The following CORO1C variants were observed in gnomAD, a reference collection of about 807,000 sequenced individuals.
CORO1C encodes the protein coronin 1C.
A neutral mutation model predicts 51.2 loss-of-function variants in CORO1C; 14 were observed. The observed-to-expected ratio is 0.27, with a 90% CI of 0.18 to 0.43. The LOEUF is 0.43. CORO1C is among the 20% of genes least tolerant of loss of function. The pLI is 1.00. For synonymous variants in CORO1C, 181 were observed against 210.5 expected (o/e 0.86, Z 1.21); for missense variants, 417 against 607.8 (o/e 0.69, Z 3.30).
chr12:108,661,526 A>T (rs186892316), intron 4 of CORO1C, among the ~76,000 whole-genome samples: 2 of 152,336 alleles, frequency 1.3e-5, no homozygotes, highest in East Asian at 3.9e-4. Context: ...GGTGGGATTA[A>T]AAGTGATTTT....
Position 108,647,393 on chromosome 12 carries a change from G to A in CORO1C, c.*10C>T. On this transcript the variant is annotated 3_prime_UTR_variant, in exon 11 of 11. Coordinates refer to ENST00000261401, the MANE Select transcript of CORO1C (RefSeq NM_014325.4). ...CTCCCATTTTTTCTGTAGGGGTGGG[G>A]GTGGGACCTTCAGGCTGCTATCTTT... 6.2e-7 allele frequency: 1 copy of A among 1,612,546 alleles called. No homozygotes were observed. The highest frequency in any genetic ancestry group is 2.2e-5 in the East Asian group (1 of 44,816).
intron 1 of CORO1C, chr12:108,703,103 G>A (rs546835324): frequency 6.2e-5 from 38 of 616,766 alleles, no homozygotes; most frequent in Admixed American, 2.9e-4. Flanking sequence ...AAAAGCCAAC[G>A]TACAGCCAGC....
Position 108,657,334 on chromosome 12 carries a change from C to T in CORO1C, c.720G>A (p.Met240Ile), listed in dbSNP as rs2136806327. 6.2e-7 allele frequency: 1 copy of T among 1,614,000 alleles called. No homozygotes were observed. Among genetic ancestry groups the T allele is most frequent in the South Asian group, 1.1e-5 (1 of 91,070 alleles). Residue 240 changes from methionine to isoleucine, a missense_variant, in exon 6 of 11, where the codon ATG becomes ATA. By Grantham distance (10) the Met-to-Ile change is conservative. Transcript: ENST00000261401. ...TCCAGAGAGCCAGCTGCCGCTCGCT[C>T]ATGCGGCTGAACCCAGTGGTGAAGA... The part of the protein sequence containing the change: ...GNVFTTGFSR[M>I]SERQLALWNP...
At chr12:108,706,090 G>A (rs891116447) in intron 1 of CORO1C, among the ~76,000 whole-genome samples, 1 of 151,774 alleles carries the variant, frequency 6.6e-6, no homozygotes, top group Non-Finnish European at 1.5e-5. Context: ...GGGAGGCAGA[G>A]GCAGGAGAAT....
chr12:108,693,676 T>G (rs1274070218), intron 2 of CORO1C, among the ~76,000 whole-genome samples: 2 of 152,242 alleles, frequency 1.3e-5, no homozygotes, highest in Admixed American at 1.3e-4. Flanking sequence ...ATTCTATTTC[T>G]GCAATACTAC....
chr12:108,648,877 G>A (rs770662877), intron 9 of CORO1C, 27 bp from the exon 10 acceptor site: 2 of 1,613,702 alleles, frequency 1.2e-6, no homozygotes, highest in Admixed American at 1.7e-5. Flanking sequence ...GCACCCGTGG[G>A]TAAGGAAGAA....
At chr12:108,666,044 A>C (rs1403129196) in intron 3 of CORO1C, among the ~76,000 whole-genome samples, 1 of 152,238 alleles carries the variant, frequency 6.6e-6, no homozygotes. Context: ...CTACTACGAA[A>C]TTAGCTTCCT....
intron 2 of CORO1C, among the ~76,000 whole-genome samples, chr12:108,682,592 A>G (rs1460457197): frequency 1.3e-5 from 2 of 152,232 alleles, no homozygotes; most frequent in Non-Finnish European, 2.9e-5. Context: ...TAATCGTAAG[A>G]GATGTCAACA....
At chr12:108,688,565 A>G (rs1232267315) in intron 2 of CORO1C, among the ~76,000 whole-genome samples, 1 of 152,222 alleles carries the variant, frequency 6.6e-6, no homozygotes, top group Non-Finnish European at 1.5e-5. Flanking sequence ...ATTATTTCTG[A>G]CCCACATATT....
At chr12:108,672,299 T>C (rs2033749662) in intron 3 of CORO1C, among the ~76,000 whole-genome samples, 1 of 152,230 alleles carries the variant, frequency 6.6e-6, no homozygotes, top group Non-Finnish European at 1.5e-5. Flanking sequence ...GTAACAGCTA[T>C]GTGGTCTTGA....
chr12:108,729,894 C>A (rs1031424569), intron 1 of CORO1C, among the ~76,000 whole-genome samples: 1 of 152,112 alleles, frequency 6.6e-6, no homozygotes, highest in Non-Finnish European at 1.5e-5. Context: ...CCAGCAGGCC[C>A]TGGTGTCAGG....
At chr12:108,695,798 G>GCT (rs1419016570) in intron 2 of CORO1C, among the ~76,000 whole-genome samples, 2 of 142,174 alleles carry the variant, frequency 1.4e-5, no homozygotes, top group African/African-American at 5.4e-5. Flanking sequence ...TAGGCAATGA[G>GCT]CTCTTAATCC....
intron 3 of CORO1C, among the ~76,000 whole-genome samples, chr12:108,663,695 G>A (rs1187188505): frequency 1.3e-5 from 2 of 152,218 alleles, no homozygotes; most frequent in Non-Finnish European, 2.9e-5. Context: ...AGGGAGGCAG[G>A]TGGAGGGGTG....
chr12:108,676,373 T>C (rs760780302), intron 3 of CORO1C, among the ~76,000 whole-genome samples: 1 of 152,236 alleles, frequency 6.6e-6, no homozygotes, highest in Non-Finnish European at 1.5e-5. Flanking sequence ...TAATACACAC[T>C]ATTTTTTTTA....
intron 2 of CORO1C, among the ~76,000 whole-genome samples, chr12:108,692,697 T>C (rs1344860914): frequency 6.6e-6 from 1 of 152,006 alleles, no homozygotes; most frequent in Non-Finnish European, 1.5e-5. Context: ...TTCTCTGAGC[T>C]GACAGAATGA....
At chr12:108,654,609 AAT>A (rs1304733577) in intron 6 of CORO1C, among the ~76,000 whole-genome samples, 199 bp from the exon 7 acceptor site, 34 of 152,164 alleles carry the variant, frequency 2.2e-4, no homozygotes, top group Non-Finnish European at 4.1e-4. Flanking sequence ...CAACTCACAA[AAT>A]TTCACTGATT....
rs138446179 is a variant in CORO1C at position 108,716,401 on chromosome 12, A to G, written c.-6+15028T>C. Among the ~76,000 whole-genome samples the G allele has an allele frequency of 2.9e-3, 437 of 152,298 alleles. 1 individual carries two copies. The highest frequency in any genetic ancestry group is 5.4e-3 in the Non-Finnish European group (367 of 68,022). On this transcript the variant is annotated intron_variant, in intron 1 of 10. Coordinates refer to ENST00000261401, the MANE Select transcript of CORO1C (RefSeq NM_014325.4). ...GGGGGATATTTTTATTAATAACTTC[A>G]TAAGGCTAGTCACAGGCAAAACTAG... is the stretch of plus-strand genomic sequence containing the variant.
At chr12:108,727,622 A>G (rs2035623356) in intron 1 of CORO1C, among the ~76,000 whole-genome samples, 1 of 152,202 alleles carries the variant, frequency 6.6e-6, no homozygotes, top group African/African-American at 2.4e-5. Flanking sequence ...CTTAAAATAT[A>G]TTAATTCAAA....
intron 8 of CORO1C, chr12:108,649,286 C>T: frequency 2.0e-6 from 1 of 502,090 alleles, no homozygotes. Context: ...TGACAAATGC[C>T]AATTATCTGG....
Sources: allele counts gnomAD v4.1 joint callset (sites outside exome capture counted in the v4.1 genomes callset), GRCh38; gene constraint gnomAD v4.1.1; transcripts MANE v1.5; gene names NCBI Gene and HGNC (gene_info 2026-07-23, HGNC 2026-07-21).